The following DHRS7B variants were observed in gnomAD, a reference collection of about 807,000 sequenced individuals.
DHRS7B encodes the protein dehydrogenase/reductase 7B.
DHRS7B carries 24 observed loss-of-function variants against 26.4 expected under a neutral mutation model. The ratio of observed to expected loss-of-function variants is 0.91; its 90% CI spans 0.66 to 1.28. The LOEUF is 1.28. Among genes scored for constraint, DHRS7B ranks in the 50% most tolerant of loss-of-function variants. DHRS7B has a pLI of 0.00. For synonymous variants in DHRS7B, 142 were observed against 166.4 expected, an observed-to-expected ratio of 0.85 and a Z score of 1.13; for missense variants, 368 against 419.4, an observed-to-expected ratio of 0.88 and a Z score of 1.07.
rs975692466 is a variant in DHRS7B at position 21,191,352 on chromosome 17, A to G, written c.*199A>G. 10 of 598,482 alleles carry G rather than the reference A, an allele frequency of 1.7e-5. No individual in the cohort carries two copies. The South Asian group carries it at 2.0e-4, about 12-fold the overall frequency. The allele number at this position is 598,482 out of a possible 1,614,324, so 37.1% of individuals were successfully genotyped here. A position where few individuals can be genotyped will look rare whatever the true frequency, so the allele number is the denominator to read the frequency against. On this transcript the variant is annotated 3_prime_UTR_variant, in exon 7 of 7. Transcript: ENST00000395511. ...AAGCTTCTTCCCAGGGTGAGGGGAA[A>G]CACTTAAGGAATAAATATGGAGCTG...
chr17:21,136,334 G>A, intron 1 of DHRS7B, among the ~76,000 whole-genome samples: 1 of 148,582 alleles, frequency 6.7e-6, no homozygotes, highest in Non-Finnish European at 1.5e-5. Flanking sequence ...GCAAGACTTG[G>A]TGTCCTGTTT....
At chr17:21,190,883 C>T (rs963517642) in intron 6 of DHRS7B, 65 bp from the exon 7 acceptor site, 11 of 1,559,316 alleles carry the variant, frequency 7.1e-6, no homozygotes, top group Non-Finnish European at 9.7e-6. Context: ...CTCACATCAG[C>T]TCCACTCCTC....
intron 1 of DHRS7B, among the ~76,000 whole-genome samples, chr17:21,139,057 A>T (rs1973431476): frequency 6.6e-6 from 1 of 152,162 alleles, no homozygotes; most frequent in African/African-American, 2.4e-5. Flanking sequence ...CTTAACCTCC[A>T]ATCTGTCCTT....
At chr17:21,181,443 A>G (rs533853425) in intron 3 of DHRS7B, among the ~76,000 whole-genome samples, 80 of 152,162 alleles carry the variant, frequency 5.3e-4, no homozygotes, top group Non-Finnish European at 9.1e-4. Flanking sequence ...GAGAAATCCA[A>G]GTTAGAGGGG....
chr17:21,138,906 C>A (rs914548412), intron 1 of DHRS7B, among the ~76,000 whole-genome samples: 5 of 151,974 alleles, frequency 3.3e-5, no homozygotes, highest in Admixed American at 1.3e-4. Flanking sequence ...GTATTTATCC[C>A]ATTACATTTA....
At chr17:21,177,567 G>A (rs946550707) in intron 2 of DHRS7B, among the ~76,000 whole-genome samples, 27 of 152,160 alleles carry the variant, frequency 1.8e-4, no homozygotes, top group African/African-American at 6.5e-4. Flanking sequence ...CCTTTTCAAA[G>A]GCAGGCACCC....
chr17:21,181,941 A>C (rs888991757), intron 3 of DHRS7B, among the ~76,000 whole-genome samples: 18 of 152,132 alleles, frequency 1.2e-4, no homozygotes, highest in Admixed American at 6.5e-4. Context: ...TTTCTTGTCT[A>C]ATTGTTCTGG....
intron 1 of DHRS7B, among the ~76,000 whole-genome samples, chr17:21,135,844 G>C (rs115794880): frequency 6.6e-6 from 1 of 152,110 alleles, no homozygotes; most frequent in Non-Finnish European, 1.5e-5. Context: ...AAAATTGGCC[G>C]TTACAATCTT....
intron 1 of DHRS7B, among the ~76,000 whole-genome samples, chr17:21,144,242 T>G (rs1220942556): frequency 6.6e-6 from 1 of 152,188 alleles, no homozygotes; most frequent in Non-Finnish European, 1.5e-5. Flanking sequence ...CCTCTTTACG[T>G]CTTATCTTAT....
intron 1 of DHRS7B, among the ~76,000 whole-genome samples, chr17:21,144,616 A>C (rs953205738): frequency 4.0e-5 from 6 of 151,800 alleles, no homozygotes; most frequent in African/African-American, 1.5e-4. Flanking sequence ...TCAGGAGTTC[A>C]AGACCAGCCT....
intron 2 of DHRS7B, among the ~76,000 whole-genome samples, chr17:21,176,651 G>A (rs557766271): frequency 4.6e-5 from 7 of 151,886 alleles, no homozygotes; most frequent in East Asian, 3.9e-4. Flanking sequence ...AATTGACACC[G>A]CTGTAGTGCT....
In DHRS7B at chr17:21,184,364, T is replaced by C. The variant is rs1469690787; in HGVS notation, c.527-7T>C. On this transcript the variant is annotated splice_region_variant and splice_polypyrimidine_tract_variant and intron_variant, in intron 4 of 6. Transcript: ENST00000395511. ...GCGCTTGCCTAAGCCTCTGCATCTG[T>C]CCTCAGCACTCCTGCCCTCCATGAT... 1 of 1,613,184 alleles carries C rather than the reference T, an allele frequency of 6.2e-7. No homozygotes were observed.
At chr17:21,135,754 G>C (rs1373169928) in intron 1 of DHRS7B, among the ~76,000 whole-genome samples, 1 of 152,050 alleles carries the variant, frequency 6.6e-6, no homozygotes, top group Non-Finnish European at 1.5e-5. Context: ...TGACACAGGG[G>C]CCCATATGCT....
intron 1 of DHRS7B, among the ~76,000 whole-genome samples, chr17:21,160,865 A>G (rs1567623061): frequency 6.6e-6 from 1 of 152,226 alleles, no homozygotes; most frequent in African/African-American, 2.4e-5. Flanking sequence ...AGACAACTGA[A>G]TATTATTCAG....
chr17:21,140,835 G>A (rs1022456922), intron 1 of DHRS7B, among the ~76,000 whole-genome samples: 13 of 152,100 alleles, frequency 8.5e-5, no homozygotes, highest in South Asian at 2.1e-4. Flanking sequence ...CCTATGGAAT[G>A]CTCAAAAGGG....
At position 21,171,926 on chromosome 17, in the gene DHRS7B, C is replaced by T. The variant is rs771395653; in HGVS notation, c.21-92C>T. The T allele has an allele frequency of 2.7e-6, 4 of 1,499,344 alleles. 1 individual carries two copies. In the South Asian group the frequency reaches 4.5e-5, roughly 17 times the overall value. The allele number at this position is 1,499,344 out of a possible 1,614,324, so 92.9% of individuals were successfully genotyped here. A position where few individuals can be genotyped will look rare whatever the true frequency, so the allele number is the denominator to read the frequency against. ...AGAGCTGGAGTCCACAGAGGGAGAT[C>T]TGGGATTCATATCAGATGAGAGGAA... On this transcript the variant is annotated intron_variant, in intron 1 of 6. Transcript: ENST00000395511.
chr17:21,133,513 T>C (rs1211025023), intron 1 of DHRS7B, among the ~76,000 whole-genome samples: 1 of 152,248 alleles, frequency 6.6e-6, no homozygotes, highest in Non-Finnish European at 1.5e-5. Context: ...GCAATCGGAA[T>C]ATGCATCTAT....
At position 21,188,741 on chromosome 17, in the gene DHRS7B, T is replaced by A; in HGVS notation, c.650T>A (p.Phe217Tyr). The A allele has an allele frequency of 6.2e-7, 1 of 1,610,756 alleles. No individual in the cohort carries two copies. Reference sequence around the variant, plus strand: ...GCCTCCAAGCACGCAACCCAGGCTTTCTTTGACTGTCTGCGTGCCGAGATG... The same window carrying A: ...GCCTCCAAGCACGCAACCCAGGCTTACTTTGACTGTCTGCGTGCCGAGATG... Reference protein sequence around the residue: ...YAASKHATQAFFDCLRAEMEQ... With the variant: ...YAASKHATQAYFDCLRAEMEQ... Residue 217 changes from phenylalanine to tyrosine, a missense_variant, in exon 6 of 7, where the codon TTC becomes TAC. Phe to Tyr is a conservative substitution (Grantham distance 22). Transcript: ENST00000395511.
At chr17:21,136,184 C>T (rs188043390) in intron 1 of DHRS7B, among the ~76,000 whole-genome samples, 115 of 152,116 alleles carry the variant, frequency 7.6e-4, no homozygotes, top group African/African-American at 2.6e-3. Context: ...CACCTGTAAT[C>T]TCAGCTACTC....
Sources: gnomAD v4.1 joint callset for allele counts (sites outside exome capture counted in the v4.1 genomes callset) on GRCh38, gnomAD v4.1.1 for gene constraint, MANE v1.5 for transcripts, NCBI Gene and HGNC (gene_info 2026-07-23, HGNC 2026-07-21) for gene names.